Variants in ZNF440 observed in about 807,000 individuals in gnomAD.
ZNF440 encodes zinc finger protein 440.
A neutral mutation model predicts 49.7 loss-of-function variants in ZNF440; 47 were observed. The observed-to-expected ratio is 0.95, with a 90% CI of 0.75 to 1.21. The LOEUF (loss-of-function observed/expected upper bound fraction) is 1.21. ZNF440 is among the 50% of genes most tolerant of loss of function. ZNF440 has a pLI of 0.00. For missense variants in ZNF440, 703 were observed against 715.0 expected (o/e 0.98, Z 0.19); for synonymous variants, 255 against 237.7 (o/e 1.07, Z -0.67).
At chr19:11,826,482 A>G (rs143089115) in intron 1 of ZNF440, among the ~76,000 whole-genome samples, 61 of 152,088 alleles carry the variant, frequency 4.0e-4, no homozygotes, top group Non-Finnish European at 5.3e-4. Flanking sequence ...GACCATGCCT[A>G]TTTTCTTCAG....
At chr19:11,826,881 C>T (rs1054689255) in intron 1 of ZNF440, among the ~76,000 whole-genome samples, 2 of 151,936 alleles carry the variant, frequency 1.3e-5, no homozygotes, top group African/African-American at 4.8e-5. Context: ...CCAGGCTGGT[C>T]TCAAACTTTT....
intron 1 of ZNF440, among the ~76,000 whole-genome samples, chr19:11,818,547 A>AATTATT (rs973942751): frequency 6.2e-5 from 9 of 146,012 alleles, no homozygotes; most frequent in South Asian, 2.1e-4. Context: ...ACAACAATTT[A>AATTATT]ATTATTATTA....
intron 1 of ZNF440, among the ~76,000 whole-genome samples, chr19:11,823,757 G>A (rs1378505266): frequency 6.6e-6 from 1 of 152,156 alleles, no homozygotes; most frequent in Non-Finnish European, 1.5e-5. Context: ...GAGGTCAGGA[G>A]TTTGAGACCA....
intron 1 of ZNF440, among the ~76,000 whole-genome samples, chr19:11,829,159 G>A (rs1326835676): frequency 6.6e-6 from 1 of 151,992 alleles, no homozygotes; most frequent in African/African-American, 2.4e-5. Flanking sequence ...TATCTCTTAG[G>A]AGTTTCTTGT....
Position 11,833,755 on chromosome 19 carries a change from G to A in ZNF440, c.*791G>A. ...GAGAAGCCCTATGAATATAAGCAAT[G>A]TGGGAAAGCCTTCAGATCAGCCTCG... is the stretch of plus-strand genomic sequence containing the variant. On this transcript the variant is annotated 3_prime_UTR_variant, in exon 4 of 4. Transcript: ENST00000304060. The A allele has an allele frequency of 1.2e-6, 1 of 817,380 alleles. No homozygotes were observed. The allele number at this position is 817,380 out of a possible 1,614,324, so 50.6% of individuals were successfully genotyped here. A position where few individuals can be genotyped will look rare whatever the true frequency, so the allele number is the denominator to read the frequency against.
chr19:11,824,578 T>C (rs1325961880), intron 1 of ZNF440, among the ~76,000 whole-genome samples: 1 of 152,196 alleles, frequency 6.6e-6, no homozygotes, highest in African/African-American at 2.4e-5. Flanking sequence ...TATGGAATGA[T>C]AGTTAATTCA....
intron 1 of ZNF440, among the ~76,000 whole-genome samples, chr19:11,820,353 A>T (rs1252334915): frequency 6.6e-6 from 1 of 152,072 alleles, no homozygotes; most frequent in Non-Finnish European, 1.5e-5. Context: ...AGTAGCTGGG[A>T]TTACAGGCAC....
chr19:11,814,375 G>A lies in ZNF440; in HGVS notation c.-73G>A. Reference sequence around the variant, plus strand: ...CCTCCACCAGAGCTTCTGTCGCTCTGTAACCTGCACTGTGACCTACACTAG... The same window carrying A: ...CCTCCACCAGAGCTTCTGTCGCTCTATAACCTGCACTGTGACCTACACTAG... On this transcript the variant is annotated 5_prime_UTR_variant, in exon 1 of 4. Transcript: ENST00000304060. 2 of 1,504,600 alleles carry A rather than the reference G, an allele frequency of 1.3e-6. No individual in the cohort carries two copies. The highest frequency in any genetic ancestry group is 2.6e-5 in the South Asian group (2 of 77,882). The allele number at this position is 1,504,600 out of a possible 1,614,324, so 93.2% of individuals were successfully genotyped here. A position where few individuals can be genotyped will look rare whatever the true frequency, so the allele number is the denominator to read the frequency against.
At chr19:11,820,377 C>T (rs544274392) in intron 1 of ZNF440, among the ~76,000 whole-genome samples, 2 of 152,182 alleles carry the variant, frequency 1.3e-5, no homozygotes, top group Admixed American at 6.5e-5. Flanking sequence ...CCACCACGCC[C>T]GGCTAATTTT....
At chr19:11,815,564 G>A (rs1335757941) in intron 1 of ZNF440, among the ~76,000 whole-genome samples, 6 of 152,034 alleles carry the variant, frequency 3.9e-5, no homozygotes, top group Admixed American at 3.9e-4. Context: ...GGGGTCCCCA[G>A]TGCCCACTTT....
intron 1 of ZNF440, among the ~76,000 whole-genome samples, chr19:11,814,800 T>A (rs968320792): frequency 1.3e-5 from 2 of 152,198 alleles, no homozygotes; most frequent in Non-Finnish European, 1.5e-5. Flanking sequence ...AGAAAATTCC[T>A]CAGCAAAGCA....
chr19:11,824,278 T>A (rs1381356746), intron 1 of ZNF440, among the ~76,000 whole-genome samples: 1 of 152,150 alleles, frequency 6.6e-6, no homozygotes, highest in Non-Finnish European at 1.5e-5. Flanking sequence ...AGCAACTTGT[T>A]GCTGATAATT....
At chr19:11,827,067 C>CTTT (rs35413250) in intron 1 of ZNF440, among the ~76,000 whole-genome samples, 2 of 140,370 alleles carry the variant, frequency 1.4e-5, no homozygotes, top group Non-Finnish European at 3.1e-5. Context: ...AAAGATTGGG[C>CTTT]TTTTTTTTTT....
At position 11,831,402 on chromosome 19, in the gene ZNF440, G is replaced by C; in HGVS notation, c.226G>C (p.Asp76His). ...LIEEKVNEIK[D>H]DSHCGETFTP... ...AGAAGAAAAAGTCAATGAAATTAAA[G>C]ATGACAGTCATTGTGGAGAAACTTT... is the stretch of plus-strand genomic sequence containing the variant. The change falls in exon 4 of 4, where the codon GAT becomes CAT. Residue 76 changes from aspartate (D) to histidine (H), a missense_variant. Transcript: ENST00000304060. The C allele has an allele frequency of 6.2e-7, 1 of 1,610,648 alleles. No individual in the cohort carries two copies. The highest frequency in any genetic ancestry group is 8.5e-7 in the Non-Finnish European group (1 of 1,179,218).
Position 11,833,188 on chromosome 19 carries a change from T to C in ZNF440, c.*224T>C. On this transcript the variant is annotated 3_prime_UTR_variant, in exon 4 of 4. Transcript: ENST00000304060. ...AGCAATTTGGGAAAGCCTTCAGATC[T>C]GTCAAAAATCTTCGATTTCATAAAA... 1 of 1,211,594 alleles carries C rather than the reference T, an allele frequency of 8.3e-7. No homozygotes were observed. Among genetic ancestry groups the C allele is most frequent in the Non-Finnish European group, 1.2e-6 (1 of 848,912 alleles). 75.1% of individuals were successfully genotyped at this position (1,211,594 alleles called of 1,614,324 possible).
intron 2 of ZNF440, 31 bp from the exon 3 acceptor site, chr19:11,830,586 C>G: frequency 6.2e-7 from 1 of 1,612,046 alleles, no homozygotes; most frequent in Non-Finnish European, 8.5e-7. Context: ...TATACTGCCT[C>G]AGGACTATTT....
At chr19:11,814,536 C>A (rs1021238807) in intron 1 of ZNF440, 86 bp downstream of exon 1, 1 of 1,352,468 alleles carries the variant, frequency 7.4e-7, no homozygotes, top group Non-Finnish European at 9.6e-7. Flanking sequence ...CGGGCCTCCA[C>A]GCGGCGACTC....
At position 11,832,082 on chromosome 19, in the gene ZNF440, T is replaced by C. The variant is rs982867298; in HGVS notation, c.906T>C (p.His302=). Residue 302 remains histidine, a synonymous_variant, in exon 4 of 4, where the codon CAT becomes CAC. Coordinates refer to ENST00000304060, the MANE Select transcript of ZNF440 (RefSeq NM_152357.3). Reference sequence around the variant, plus strand: ...CGTGTCCCCGTTATGTTCGTATACATGAAAGGACCCACTCTAGGAAAAATC... The same window carrying C: ...CGTGTCCCCGTTATGTTCGTATACACGAAAGGACCCACTCTAGGAAAAATC... ...AFTCPRYVRI[H]ERTHSRKNLY... The C allele has an allele frequency of 1.9e-6, 3 of 1,614,146 alleles. No individual in the cohort carries two copies. The highest frequency in any genetic ancestry group is 3.3e-5 in the Admixed American group (2 of 60,008).
intron 1 of ZNF440, among the ~76,000 whole-genome samples, chr19:11,828,512 T>C (rs1395092635): frequency 6.6e-6 from 1 of 152,030 alleles, no homozygotes; most frequent in Non-Finnish European, 1.5e-5. Context: ...TCATTACTTA[T>C]CTTAAAACAA....
Sources: gnomAD v4.1 joint callset for allele counts (sites outside exome capture counted in the v4.1 genomes callset) on GRCh38, gnomAD v4.1.1 for gene constraint, MANE v1.5 for transcripts, NCBI Gene and HGNC (gene_info 2026-07-23, HGNC 2026-07-21) for gene names.